The following TRPM3 variants were observed in gnomAD, a reference collection of about 807,000 sequenced individuals.
TRPM3 encodes long transient receptor potential channel 3.
TRPM3 carries 77 observed loss-of-function variants against 181.2 expected under a neutral mutation model. The ratio of observed to expected loss-of-function variants is 0.42; its 90% CI spans 0.35 to 0.51. The LOEUF (loss-of-function observed/expected upper bound fraction) is 0.51. Among genes scored for constraint, TRPM3 ranks in the 20% least tolerant of loss-of-function variants. The pLI is 0.01. For missense variants in TRPM3, 1,759 were observed against 2,196.7 expected (o/e 0.80, Z 3.98); for synonymous variants, 745 against 796.4 (o/e 0.94, Z 1.09).
chr9:70,864,767 A>G (rs1189973805), intron 1 of TRPM3, among the ~76,000 whole-genome samples: 1 of 152,122 alleles, frequency 6.6e-6, no homozygotes, highest in Non-Finnish European at 1.5e-5. Context: ...AAAAAAAGTT[A>G]GTGATGGAAT....
At chr9:70,683,310 C>T (rs2134271209) in intron 8 of TRPM3, among the ~76,000 whole-genome samples, 1 of 152,138 alleles carries the variant, frequency 6.6e-6, no homozygotes, top group East Asian at 1.9e-4. Context: ...GCCTCAATCT[C>T]CTGGGTTCAA....
In TRPM3 at chr9:70,954,939, A is replaced by G. The variant is rs114155117; in HGVS notation, c.178-90428T>C. Among the ~76,000 whole-genome samples the G allele has an allele frequency of 8.8e-3, 1,337 of 152,198 alleles. 14 individuals are homozygous for G. The highest frequency in any genetic ancestry group is 0.03 in the African/African-American group (1,255 of 41,526). On this transcript the variant is annotated intron_variant, in intron 1 of 25. Transcript: ENST00000677713. ...TCCAGCAGCAGCCAGGTGAACAGTG[A>G]CAGATGCCTATGGAAGATTTTGCCA...
chr9:71,098,972 C>T (rs948094910), intron 1 of TRPM3, among the ~76,000 whole-genome samples: 33 of 152,168 alleles, frequency 2.2e-4, no homozygotes, highest in African/African-American at 7.0e-4. Flanking sequence ...GACTGGGCTA[C>T]TCACACGAGG....
At chr9:71,099,960 TTA>T (rs1165703321) in intron 1 of TRPM3, among the ~76,000 whole-genome samples, 1 of 152,208 alleles carries the variant, frequency 6.6e-6, no homozygotes, top group East Asian at 1.9e-4. Context: ...ACTGATTGTT[TTA>T]TGTGTTTGAC....
At chr9:70,646,204 C>T (rs1330233445) in intron 9 of TRPM3, among the ~76,000 whole-genome samples, 1 of 152,298 alleles carries the variant, frequency 6.6e-6, no homozygotes, top group African/African-American at 2.4e-5. Flanking sequence ...TACCATTTGA[C>T]CCAGCAATCC....
chr9:71,396,759 G>A (rs1240355798), intron 1 of TRPM3, among the ~76,000 whole-genome samples: 1 of 151,742 alleles, frequency 6.6e-6, no homozygotes, highest in Non-Finnish European at 1.5e-5. Context: ...TCAGGAGATT[G>A]AGACCCATCC....
chr9:70,600,639 G>A (rs2059741546), intron 20 of TRPM3, among the ~76,000 whole-genome samples: 1 of 152,162 alleles, frequency 6.6e-6, no homozygotes, highest in African/African-American at 2.4e-5. Flanking sequence ...ATTTACATGT[G>A]TAACAAGTTC....
intron 1 of TRPM3, among the ~76,000 whole-genome samples, chr9:71,145,016 A>G (rs557110995): frequency 2.6e-5 from 4 of 152,298 alleles, no homozygotes; most frequent in African/African-American, 9.6e-5. Flanking sequence ...AAAAGTTATA[A>G]TGAGATAACA....
intron 1 of TRPM3, among the ~76,000 whole-genome samples, chr9:71,270,553 C>T (rs1172766426): frequency 6.6e-6 from 1 of 152,156 alleles, no homozygotes; most frequent in African/African-American, 2.4e-5. Flanking sequence ...GAAACTGCTG[C>T]TTCCTTTAAT....
intron 1 of TRPM3, among the ~76,000 whole-genome samples, chr9:71,217,996 C>T (rs1466864639): frequency 6.6e-6 from 1 of 152,198 alleles, no homozygotes; most frequent in Non-Finnish European, 1.5e-5. Flanking sequence ...ACTTGAATCA[C>T]AAACTGCCAG....
intron 1 of TRPM3, among the ~76,000 whole-genome samples, chr9:71,271,437 C>T (rs2083780978): frequency 6.6e-6 from 1 of 152,012 alleles, no homozygotes; most frequent in African/African-American, 2.4e-5. Context: ...AATGGCTTAC[C>T]ACTCTGTGAA....
At chr9:70,938,513 C>T (rs1202845347) in intron 1 of TRPM3, among the ~76,000 whole-genome samples, 2 of 152,098 alleles carry the variant, frequency 1.3e-5, no homozygotes, top group Admixed American at 6.5e-5. Context: ...TCTCAGTCCT[C>T]TTTGCAGATT....
At chr9:70,943,686 T>G (rs1408292911) in intron 1 of TRPM3, among the ~76,000 whole-genome samples, 1 of 152,240 alleles carries the variant, frequency 6.6e-6, no homozygotes, top group East Asian at 1.9e-4. Flanking sequence ...TTAAAAGATT[T>G]TATACAGACC....
chr9:70,821,750 A>G (rs2093189886), intron 6 of TRPM3, among the ~76,000 whole-genome samples: 1 of 152,156 alleles, frequency 6.6e-6, no homozygotes. Context: ...ATAGACACTG[A>G]TGGTACTTTA....
intron 1 of TRPM3, among the ~76,000 whole-genome samples, chr9:71,100,077 T>G (rs1424855116): frequency 1.3e-5 from 2 of 152,306 alleles, no homozygotes; most frequent in East Asian, 3.9e-4. Context: ...TGGTCACATC[T>G]CAAGGGATAG....
At chr9:71,188,892 G>A (rs2077843261) in intron 1 of TRPM3, among the ~76,000 whole-genome samples, 1 of 151,886 alleles carries the variant, frequency 6.6e-6, no homozygotes. Flanking sequence ...TAAGCACAGT[G>A]GCATATATAG....
At chr9:71,036,500 G>A (rs527819541) in intron 1 of TRPM3, among the ~76,000 whole-genome samples, 2 of 152,174 alleles carry the variant, frequency 1.3e-5, no homozygotes, top group East Asian at 1.9e-4. Flanking sequence ...CACAGACCCC[G>A]GTTCATTTCA....
intron 12 of TRPM3, among the ~76,000 whole-genome samples, chr9:70,633,407 G>T (rs1049486660): frequency 6.6e-6 from 1 of 152,128 alleles, no homozygotes; most frequent in African/African-American, 2.4e-5. Flanking sequence ...TACTACGATG[G>T]CATGGAATGG....
rs567042680 is a variant in TRPM3 at position 70,814,223 on chromosome 9, C to T, written c.973+13624G>A. On this transcript the variant is annotated intron_variant, in intron 6 of 25. Transcript: ENST00000677713. ...GTGGGGTGGAGTACAGAGAGAAGCACGTTTTTCATGGTGAGCACACAGACA... is the reference window on the plus strand; with the variant it reads ...GTGGGGTGGAGTACAGAGAGAAGCATGTTTTTCATGGTGAGCACACAGACA... Among the ~76,000 whole-genome samples the T allele has an allele frequency of 2.3e-4, 35 of 152,168 alleles. No individual in the cohort carries two copies. The East Asian group carries it at 3.7e-3, about 16-fold the overall frequency.
Sources: gnomAD v4.1 joint callset for allele counts (sites outside exome capture counted in the v4.1 genomes callset) on GRCh38, gnomAD v4.1.1 for gene constraint, MANE v1.5 for transcripts, NCBI Gene and HGNC (gene_info 2026-07-23, HGNC 2026-07-21) for gene names.